Variants in DYNC1H1 observed in about 807,000 individuals in gnomAD.
DYNC1H1 encodes cytoplasmic dynein 1 heavy chain 1.
DYNC1H1 carries 51 observed loss-of-function variants against 527.1 expected under a neutral mutation model. That is an observed-to-expected ratio of 0.10 (90% CI 0.08 to 0.12). DYNC1H1 has a LOEUF of 0.12. Ranked by LOEUF, DYNC1H1 falls within the 10% of genes least tolerant of loss-of-function variation. The pLI, the probability that DYNC1H1 is intolerant of heterozygous loss-of-function variation, is 1.00. For missense variants in DYNC1H1, 2,771 were observed against 5,971.8 expected, an observed-to-expected ratio of 0.46 and a Z score of 17.66; for synonymous variants, 2,189 against 2,278.8, an observed-to-expected ratio of 0.96 and a Z score of 1.12.
chr14:102,048,410 C>T (rs571431023), intron 73 of DYNC1H1, 106 bp from the exon 74 acceptor site: 112 of 1,470,754 alleles, frequency 7.6e-5, no homozygotes, highest in Middle Eastern at 2.0e-4. Flanking sequence ...CTGGACAGTT[C>T]GGAAGCTCTG....
rs879254085 is a variant in DYNC1H1, at chr14:101,986,018, G to A, written c.1793G>A (p.Arg598His). ...FNALFVRPHI[R>H]GAIREYQTQL... ...GCACTGTTTGTCAGGCCTCACATCCGTGGGGCCATTCGCGAATACCAGACC... is the reference window on the plus strand; with the variant it reads ...GCACTGTTTGTCAGGCCTCACATCCATGGGGCCATTCGCGAATACCAGACC... Residue 598 changes from arginine (R) to histidine (H), a missense_variant, in exon 8 of 78, where the codon CGT becomes CAT. Arg to His is a conservative substitution (Grantham distance 29). Coordinates refer to ENST00000360184, the MANE Select transcript of DYNC1H1 (RefSeq NM_001376.5). The surrounding 1 kb of genome is among the most constrained non-coding windows in gnomAD (Gnocchi z 8.7). The A allele has an allele frequency of 1.2e-6, 2 of 1,614,226 alleles. No homozygotes were observed. The highest frequency in any genetic ancestry group is 1.7e-6 in the Non-Finnish European group (2 of 1,180,052).
chr14:102,050,664 TTGGTCTGAGGTTGGAGGAAGCTGAA>T lies in DYNC1H1; in HGVS notation c.*105_*129del. ...GTCTGAGCTTGTGAAAAGAAAGTGG[TTGGTCTGAGGTTGGAGGAAGCTGAA>T]TGGAATCTGACGGTTGGGAGTGGTG... is the stretch of plus-strand genomic sequence containing the variant. On this transcript the variant is annotated 3_prime_UTR_variant, in exon 78 of 78. Coordinates refer to ENST00000360184, the MANE Select transcript of DYNC1H1 (RefSeq NM_001376.5). 6.3e-7 allele frequency: 1 copy of T among 1,590,642 alleles called. No individual in the cohort carries two copies. Among genetic ancestry groups the T allele is most frequent in the Admixed American group, 1.7e-5 (1 of 59,400 alleles).
At position 102,050,218 on chromosome 14, in the gene DYNC1H1, C is replaced by T. The variant is rs1235686035; in HGVS notation, c.13812+20C>T. ...AGTGTGGTAAGGAGGCACTGCCTTT[C>T]CCAGGCATTCTGCAGGGACCCCTGC... On this transcript the variant is annotated intron_variant, in intron 77 of 77. Coordinates refer to ENST00000360184, the MANE Select transcript of DYNC1H1 (RefSeq NM_001376.5). 1 of 1,613,936 alleles carries T rather than the reference C, an allele frequency of 6.2e-7. No homozygotes were observed.
intron 2 of DYNC1H1, among the ~76,000 whole-genome samples, chr14:101,978,371 C>T (rs1720961094): frequency 6.6e-6 from 1 of 152,148 alleles, no homozygotes; most frequent in South Asian, 2.1e-4. Context: ...TGTGGTTTCG[C>T]CATGTTGGCC....
chr14:102,003,302 G>A (rs1043893681), intron 23 of DYNC1H1, among the ~76,000 whole-genome samples: 6 of 145,996 alleles, frequency 4.1e-5, no homozygotes, highest in Non-Finnish European at 6.0e-5. Context: ...TTGCTCTGTC[G>A]CCCAGGCTGG....
chr14:101,965,047 G>A lies in DYNC1H1; in HGVS notation c.256+100G>A, dbSNP rs1566991206. On this transcript the variant is annotated intron_variant, in intron 1 of 77. Coordinates refer to ENST00000360184, the MANE Select transcript of DYNC1H1 (RefSeq NM_001376.5). This position sits in a 1 kb window ranked among gnomAD's most constrained non-coding sequence, Gnocchi z 4.1. Reference sequence around the variant, plus strand: ...CGCAGATGTCCCCGGGATGGGAGGAGCCCGGCAGCTGCAGATGACCCCTGG... The same window carrying A: ...CGCAGATGTCCCCGGGATGGGAGGAACCCGGCAGCTGCAGATGACCCCTGG... 1 of 1,306,750 alleles carries A rather than the reference G, an allele frequency of 7.7e-7. No homozygotes were observed. The highest frequency in any genetic ancestry group is 1.0e-6 in the Non-Finnish European group (1 of 961,116). The allele number at this position is 1,306,750 out of a possible 1,614,324, so 80.9% of individuals were successfully genotyped here. A position where few individuals can be genotyped will look rare whatever the true frequency, so the allele number is the denominator to read the frequency against.
chr14:101,997,327 T>A lies in DYNC1H1; in HGVS notation c.3804+53T>A. 6.2e-7 allele frequency: 1 copy of A among 1,612,930 alleles called. No homozygotes were observed. The highest frequency in any genetic ancestry group is 1.1e-5 in the South Asian group (1 of 90,680). ...AGACTCCTCACCCAGCAGTGTGATT[T>A]GGTGACTTTCTTTCAAGCCTAAAAG... is the stretch of plus-strand genomic sequence containing the variant. On this transcript the variant is annotated intron_variant, in intron 16 of 77. Coordinates refer to ENST00000360184, the MANE Select transcript of DYNC1H1 (RefSeq NM_001376.5). The surrounding 1 kb of genome is among the most constrained non-coding windows in gnomAD (Gnocchi z 4.8).
In DYNC1H1 at chr14:101,975,694, A is replaced by G. The variant is rs2047792761; in HGVS notation, c.257-18A>G. 6.3e-7 allele frequency: 1 copy of G among 1,597,404 alleles called. No individual in the cohort carries two copies. Among genetic ancestry groups the G allele is most frequent in the Non-Finnish European group, 8.6e-7 (1 of 1,165,086 alleles). On this transcript the variant is annotated intron_variant, in intron 1 of 77. Coordinates refer to ENST00000360184, the MANE Select transcript of DYNC1H1 (RefSeq NM_001376.5). ...GGAAATGTTGATATTAATTTGATATATTTATTATGATTTGTAGAGGACGTC... is the reference window on the plus strand; with the variant it reads ...GGAAATGTTGATATTAATTTGATATGTTTATTATGATTTGTAGAGGACGTC...
At position 101,979,311 on chromosome 14, in the gene DYNC1H1, C is replaced by A. The variant is rs765110355; in HGVS notation, c.345-8C>A. On this transcript the variant is annotated splice_polypyrimidine_tract_variant and splice_region_variant and intron_variant, in intron 2 of 77. Coordinates refer to ENST00000360184, the MANE Select transcript of DYNC1H1 (RefSeq NM_001376.5). This position sits in a 1 kb window ranked among gnomAD's most constrained non-coding sequence, Gnocchi z 4.6. ...TTTTCTAATTTCTTGTTTTATTTTT[C>A]TTTTTAGCTTGGCATTCATTAAACG... 6.2e-7 allele frequency: 1 copy of A among 1,613,718 alleles called. No individual in the cohort carries two copies. Among genetic ancestry groups the A allele is most frequent in the Middle Eastern group, 1.7e-4 (1 of 6,060 alleles).
chr14:102,036,381 T>A lies in DYNC1H1; in HGVS notation c.10755-108T>A. 1.4e-6 allele frequency: 2 copies of A among 1,468,526 alleles called. No individual in the cohort carries two copies. The highest frequency in any genetic ancestry group is 1.9e-6 in the Non-Finnish European group (2 of 1,055,472). 91.0% of individuals were successfully genotyped at this position (1,468,526 alleles called of 1,614,324 possible). On this transcript the variant is annotated intron_variant, in intron 56 of 77. Transcript: ENST00000360184. The surrounding 1 kb of genome is among the most constrained non-coding windows in gnomAD (Gnocchi z 5.6). ...GTCTCCGGAAACCACTCTCGGGTGG[T>A]GGTAACAGCCTATCAATCAGGGTCT... is the stretch of plus-strand genomic sequence containing the variant.
chr14:102,014,839 A>G (rs1269531076), intron 34 of DYNC1H1, among the ~76,000 whole-genome samples: 1 of 151,936 alleles, frequency 6.6e-6, no homozygotes, highest in African/African-American at 2.4e-5. Flanking sequence ...TTTTTTTGAG[A>G]CAGGTTTTCA....
At chr14:101,975,914 T>TA (rs2047794671) in intron 2 of DYNC1H1, 115 bp downstream of exon 2, 2 of 888,212 alleles carry the variant, frequency 2.3e-6, no homozygotes, top group African/African-American at 3.4e-5. Context: ...ATAAATCTTT[T>TA]TTTTTTTTTT....
Position 102,004,772 on chromosome 14 carries a change from A to T in DYNC1H1, c.5060A>T (p.Lys1687Ile). ...SSREGEEVMFKTPVSITEHPK... is the reference protein window; with the variant it reads ...SSREGEEVMFITPVSITEHPK... The stretch of plus-strand genomic sequence containing the variant: ...TTGTATTTATTTCAGGTTATGTTTA[A>T]AACTCCTGTGTCAATTACTGAACAT... The change falls in exon 25 of 78, where the codon AAA (lysine) becomes ATA (isoleucine). Residue 1687 changes from lysine to isoleucine, a missense_variant. By Grantham distance (102) the Lys-to-Ile change is moderately radical (BLOSUM62 -3). Coordinates refer to ENST00000360184, the MANE Select transcript of DYNC1H1 (RefSeq NM_001376.5). 2 of 1,614,182 alleles carry T rather than the reference A, an allele frequency of 1.2e-6. No homozygotes were observed. The highest frequency in any genetic ancestry group is 1.7e-6 in the Non-Finnish European group (2 of 1,180,028).
intron 5 of DYNC1H1, among the ~76,000 whole-genome samples, chr14:101,981,097 T>C (rs1432779692): frequency 6.6e-6 from 1 of 152,154 alleles, no homozygotes; most frequent in Admixed American, 6.5e-5. Context: ...TTTTGTTTTG[T>C]TTTGTTTTTT....
At chr14:101,991,732 A>T in intron 11 of DYNC1H1, 59 bp downstream of exon 11, 1 of 1,604,742 alleles carries the variant, frequency 6.2e-7, no homozygotes. Flanking sequence ...GGGCTCTGTG[A>T]TACCACTTCT....
chr14:102,003,877 G>A (rs548204553), intron 23 of DYNC1H1, among the ~76,000 whole-genome samples: 7 of 151,886 alleles, frequency 4.6e-5, no homozygotes, highest in Non-Finnish European at 1.0e-4. Flanking sequence ...AGTGAGCCAC[G>A]ATTGCGCCGC....
chr14:102,029,646 C>G lies in DYNC1H1; in HGVS notation c.9576C>G (p.Ser3192Arg). Residue 3192 changes from serine to arginine, a missense_variant, in exon 49 of 78, where the codon AGC (serine) becomes AGG (arginine). This residue lies in a region of DYNC1H1 where 67 missense variants were observed against 128.2 expected (regional missense o/e 0.52). Coordinates refer to ENST00000360184, the MANE Select transcript of DYNC1H1 (RefSeq NM_001376.5). The surrounding 1 kb of genome is among the most constrained non-coding windows in gnomAD (Gnocchi z 5.3). ...HYANLFHEKR[S>R]ELEEQQMHLN... ...CCAACCTGTTCCACGAGAAGCGGAG[C>G]GAGCTGGAGGAGCAGCAGATGCACT... The G allele has an allele frequency of 6.2e-7, 1 of 1,614,198 alleles. No individual in the cohort carries two copies.
intron 51 of DYNC1H1, among the ~76,000 whole-genome samples, chr14:102,030,952 CTA>C (rs1463903447): frequency 6.6e-6 from 1 of 152,048 alleles, no homozygotes; most frequent in African/African-American, 2.4e-5. Flanking sequence ...ACCCCCATCT[CTA>C]TTTTAAAATA....
chr14:102,001,803 ACT>A lies in DYNC1H1; in HGVS notation c.4542+125_4542+126del. 5 of 1,389,966 alleles carry A rather than the reference ACT, an allele frequency of 3.6e-6. No individual in the cohort carries two copies. The highest frequency in any genetic ancestry group is 4.0e-6 in the Non-Finnish European group (4 of 1,004,292). The allele number at this position is 1,389,966 out of a possible 1,614,324, so 86.1% of individuals were successfully genotyped here. A position where few individuals can be genotyped will look rare whatever the true frequency, so the allele number is the denominator to read the frequency against. ...ATTGTATTTTTTGAGACAGGGTCTC[ACT>A]CTGTCTCCCACGCTGGAGTGCAGTG... On this transcript the variant is annotated intron_variant, in intron 21 of 77. Transcript: ENST00000360184. This position sits in a 1 kb window ranked among gnomAD's most constrained non-coding sequence, Gnocchi z 5.0.
Sources: allele counts gnomAD v4.1 joint callset (sites outside exome capture counted in the v4.1 genomes callset), GRCh38; gene constraint gnomAD v4.1.1; regional missense constraint gnomAD v4.1.1; non-coding constraint Gnocchi (gnomAD v3.1); transcripts MANE v1.5; gene names NCBI Gene and HGNC (gene_info 2026-07-23, HGNC 2026-07-21).